PCDHA6: variants seen among roughly 807,000 people sequenced by gnomAD.
The protein encoded by PCDHA6 is protocadherin alpha-6.
A neutral mutation model predicts 60.3 loss-of-function variants in PCDHA6; 55 were observed. The ratio of observed to expected loss-of-function variants is 0.91; its 90% confidence interval spans 0.73 to 1.14. The LOEUF is 1.14. Ranked by LOEUF, PCDHA6 falls within the 50% of genes most tolerant of loss-of-function variation. PCDHA6 has a pLI of 0.00. For missense variants in PCDHA6, 1,327 were observed against 1,256.5 expected, an observed-to-expected ratio of 1.06 and a Z score of -0.85; for synonymous variants, 652 against 557.9, an observed-to-expected ratio of 1.17 and a Z score of -2.38.
intron 3 of PCDHA6, among the ~76,000 whole-genome samples, chr5:140,986,151 G>T (rs547474191): frequency 6.6e-6 from 1 of 152,316 alleles, no homozygotes; most frequent in East Asian, 1.9e-4. Flanking sequence ...GCATCACCAA[G>T]TAATGTTTTC....
intron 1 of PCDHA6, among the ~76,000 whole-genome samples, chr5:140,897,443 G>GT (rs1562897655): frequency 6.7e-6 from 1 of 149,986 alleles, no homozygotes; most frequent in Non-Finnish European, 1.5e-5. Flanking sequence ...GCAGTGTTTG[G>GT]TTTTTTGTCC....
chr5:140,910,924 A>G (rs568597600), intron 1 of PCDHA6, among the ~76,000 whole-genome samples: 2 of 152,260 alleles, frequency 1.3e-5, no homozygotes, highest in South Asian at 4.1e-4. Flanking sequence ...GCTTATATAA[A>G]TAAGAAAGCT....
At chr5:140,927,378 C>T in intron 1 of PCDHA6, 3 of 1,614,110 alleles carry the variant, frequency 1.9e-6, no homozygotes, top group Non-Finnish European at 2.5e-6. Flanking sequence ...TAAGCTACAG[C>T]CTAAGCCCCA....
intron 1 of PCDHA6, chr5:140,856,840 C>G: frequency 6.3e-7 from 1 of 1,591,894 alleles, no homozygotes; most frequent in Non-Finnish European, 8.6e-7. Flanking sequence ...TACGGCTCAA[C>G]GCTTCTGATT....
intron 3 of PCDHA6, among the ~76,000 whole-genome samples, chr5:141,007,422 G>C (rs190866782): frequency 7.0e-6 from 1 of 143,592 alleles, no homozygotes; most frequent in Non-Finnish European, 1.5e-5. Flanking sequence ...AAAAAAATTA[G>C]CCAGGCATGG....
chr5:140,976,798 A>G (rs571590033), intron 1 of PCDHA6, among the ~76,000 whole-genome samples: 169 of 152,368 alleles, frequency 1.1e-3, no homozygotes, highest in Admixed American at 1.8e-3. Context: ...GCTTTTATGA[A>G]TATCTGAAGA....
At chr5:140,886,951 C>T (rs1277166050) in intron 1 of PCDHA6, among the ~76,000 whole-genome samples, 1 of 151,696 alleles carries the variant, frequency 6.6e-6, no homozygotes, top group Non-Finnish European at 1.5e-5. Flanking sequence ...ACACATTAGA[C>T]ATTTAGCAAC....
chr5:140,878,313 AT>A (rs2057535405), intron 1 of PCDHA6, among the ~76,000 whole-genome samples: 1 of 152,186 alleles, frequency 6.6e-6, no homozygotes, highest in Non-Finnish European at 1.5e-5. Flanking sequence ...CAATCTAGAC[AT>A]TTTCACATTA....
intron 1 of PCDHA6, among the ~76,000 whole-genome samples, chr5:140,907,687 G>A (rs1554193091): frequency 6.6e-6 from 1 of 152,220 alleles, no homozygotes; most frequent in East Asian, 1.9e-4. Context: ...GCCTTGGTGA[G>A]TGGAAGTCCC....
intron 3 of PCDHA6, among the ~76,000 whole-genome samples, chr5:140,987,510 C>A (rs1225122300): frequency 6.6e-6 from 1 of 152,184 alleles, no homozygotes; most frequent in Non-Finnish European, 1.5e-5. Flanking sequence ...ACCTCTGCCA[C>A]TCAGTAATTG....
At chr5:140,931,519 A>G (rs578009368) in intron 1 of PCDHA6, among the ~76,000 whole-genome samples, 6 of 152,054 alleles carry the variant, frequency 3.9e-5, no homozygotes, top group Non-Finnish European at 8.8e-5. Flanking sequence ...TGAATGATTA[A>G]CAAAATAATA....
At chr5:140,851,302 A>G (rs2042019677) in intron 1 of PCDHA6, 4 of 1,013,018 alleles carry the variant, frequency 3.9e-6, no homozygotes, top group Non-Finnish European at 3.7e-6. Context: ...AAAAATATAT[A>G]GCAATTGTTA....
At chr5:140,964,013 A>G (rs155811) in intron 1 of PCDHA6, among the ~76,000 whole-genome samples, 53,810 of 151,994 alleles carry the variant, frequency 0.35, 9,678 homozygotes, top group East Asian at 0.53. Context: ...TTTTTAATAG[A>G]GAGCTCTTGA....
chr5:140,897,383 C>T (rs1554187365), intron 1 of PCDHA6, among the ~76,000 whole-genome samples: 1 of 143,902 alleles, frequency 6.9e-6, no homozygotes, highest in African/African-American at 2.6e-5. Flanking sequence ...CTTCCCCTTC[C>T]TGTGTCCATG....
chr5:140,998,908 G>A (rs1203319313), intron 3 of PCDHA6, among the ~76,000 whole-genome samples: 2 of 152,162 alleles, frequency 1.3e-5, no homozygotes, highest in East Asian at 1.9e-4. Context: ...CCTCCGGGAG[G>A]TAGCTATTAT....
intron 1 of PCDHA6, chr5:140,927,638 G>A (rs781909639): frequency 1.2e-6 from 2 of 1,614,142 alleles, no homozygotes; most frequent in Admixed American, 1.7e-5. Context: ...GCACCCAATG[G>A]GACTGTGTTA....
rs2150153723 is a variant in PCDHA6, at chr5:140,828,301, C to A, written c.210C>A (p.Asp70Glu). The A allele has an allele frequency of 6.2e-7, 1 of 1,614,080 alleles. No homozygotes were observed. The highest frequency in any genetic ancestry group is 1.1e-5 in the South Asian group (1 of 91,082). Residue 70 changes from aspartate to glutamate, a missense_variant, in exon 1 of 4, where the codon GAC (aspartate) becomes GAA (glutamate). Physicochemically the swap from Asp to Glu is conservative, Grantham distance 45. Coordinates refer to ENST00000529310, the MANE Select transcript of PCDHA6 (RefSeq NM_018909.4). The part of the protein sequence containing the change: ...VPRLFRMASK[D>E]REDLLEVNLQ... ...GCCTGTTCAGGATGGCCTCCAAAGACCGCGAGGACCTTCTGGAGGTAAATC... is the reference window on the plus strand; with the variant it reads ...GCCTGTTCAGGATGGCCTCCAAAGAACGCGAGGACCTTCTGGAGGTAAATC...
chr5:141,000,163 A>G (rs2097894710), intron 3 of PCDHA6, among the ~76,000 whole-genome samples: 1 of 152,054 alleles, frequency 6.6e-6, no homozygotes, highest in African/African-American at 2.4e-5. Context: ...AAACTATTTG[A>G]TTATTGAGCC....
chr5:140,981,350 G>T (rs2096928266), intron 2 of PCDHA6, among the ~76,000 whole-genome samples: 1 of 152,168 alleles, frequency 6.6e-6, no homozygotes. Flanking sequence ...GAGGCAGGTG[G>T]ATCACTTGAG....
Sources: gnomAD v4.1 joint callset for allele counts (sites outside exome capture counted in the v4.1 genomes callset) on GRCh38, gnomAD v4.1.1 for gene constraint, MANE v1.5 for transcripts, NCBI Gene and HGNC (gene_info 2026-07-23, HGNC 2026-07-21) for gene names.